DNAJA3: variants seen among roughly 807,000 people sequenced by gnomAD.
DNAJA3 encodes DnaJ heat shock protein family (Hsp40) member A3, also known as dnaJ homolog subfamily A member 3, mitochondrial.
Under a neutral mutation model 54.9 loss-of-function variants are expected in DNAJA3, and 29 were observed. That is an observed-to-expected ratio of 0.53 (90% CI 0.39 to 0.72). DNAJA3 has a LOEUF of 0.72. Ranked by LOEUF, DNAJA3 falls within the 30% of genes least tolerant of loss-of-function variation. The pLI, the probability that DNAJA3 is intolerant of heterozygous loss-of-function variation, is 0.00. For synonymous variants in DNAJA3, 302 were observed against 251.4 expected, an observed-to-expected ratio of 1.20 and a Z score of -1.90; for missense variants, 708 against 639.4, an observed-to-expected ratio of 1.11 and a Z score of -1.16.
intron 8 of DNAJA3, among the ~76,000 whole-genome samples, chr16:4,448,226 C>T (rs958698824): frequency 3.3e-5 from 5 of 151,196 alleles, no homozygotes; most frequent in African/African-American, 1.2e-4. Flanking sequence ...GGGGTTTCAC[C>T]ATGTTGGCCA....
intron 7 of DNAJA3, 50 bp downstream of exon 7, chr16:4,444,778 G>A: frequency 1.3e-6 from 2 of 1,550,426 alleles, no homozygotes; most frequent in Non-Finnish European, 1.8e-6. Context: ...CTCTCTTCGG[G>A]TGGGTGTGGC....
At chr16:4,427,773 A>G (rs1339746722) in intron 1 of DNAJA3, among the ~76,000 whole-genome samples, 1 of 152,174 alleles carries the variant, frequency 6.6e-6, no homozygotes, top group East Asian at 1.9e-4. Flanking sequence ...GGTTCAATCG[A>G]TCCTCCATCC....
At position 4,438,309 on chromosome 16, in the gene DNAJA3, C is replaced by T. The variant is rs1245005539; in HGVS notation, c.429+824C>T. Among the ~76,000 whole-genome samples, 4 of 150,938 alleles carry T rather than the reference C, an allele frequency of 2.7e-5. No homozygotes were observed. The East Asian group carries it at 7.8e-4, about 29-fold the overall frequency. On this transcript the variant is annotated intron_variant, in intron 3 of 11. Coordinates refer to ENST00000262375, the MANE Select transcript of DNAJA3 (RefSeq NM_005147.6). ...TCCAGCCTGGGCGACAGAGCAAGACCCCGTCTCAAAAAAAAAAAAAAGAAC... is the reference window on the plus strand; with the variant it reads ...TCCAGCCTGGGCGACAGAGCAAGACTCCGTCTCAAAAAAAAAAAAAAGAAC...
intron 3 of DNAJA3, among the ~76,000 whole-genome samples, chr16:4,438,255 T>A (rs950803956): frequency 6.6e-6 from 1 of 151,542 alleles, no homozygotes; most frequent in African/African-American, 2.4e-5. Context: ...AGGCGGAGCT[T>A]GCAGTGAGCT....
intron 2 of DNAJA3, among the ~76,000 whole-genome samples, chr16:4,436,894 G>C (rs2056778357): frequency 1.3e-5 from 2 of 152,014 alleles, no homozygotes; most frequent in Non-Finnish European, 2.9e-5. Context: ...GCCATGCTGG[G>C]TGCTAAGGGC....
intron 2 of DNAJA3, 97 bp from the exon 3 acceptor site, chr16:4,437,305 A>C: frequency 1.0e-6 from 1 of 998,080 alleles, no homozygotes; most frequent in East Asian, 2.6e-5. Context: ...CATAATTATG[A>C]CTGGTATTTG....
chr16:4,451,308 A>G (rs954962310), intron 10 of DNAJA3, among the ~76,000 whole-genome samples: 1 of 152,118 alleles, frequency 6.6e-6, no homozygotes, highest in Non-Finnish European at 1.5e-5. Context: ...AGATTAGTGC[A>G]TGGTAATTCG....
At chr16:4,448,184 G>T (rs1371903928) in intron 8 of DNAJA3, among the ~76,000 whole-genome samples, 1 of 151,118 alleles carries the variant, frequency 6.6e-6, no homozygotes, top group Non-Finnish European at 1.5e-5. Context: ...GCGCCACCAT[G>T]CCTGGCTAAT....
intron 9 of DNAJA3, among the ~76,000 whole-genome samples, chr16:4,449,104 C>T (rs747726174): frequency 6.6e-6 from 1 of 152,186 alleles, no homozygotes; most frequent in African/African-American, 2.4e-5. Flanking sequence ...TCAAGCGATT[C>T]TCCTGCCTCA....
chr16:4,431,982 A>G (rs1335023643), intron 1 of DNAJA3: 1 of 151,946 alleles, frequency 6.6e-6, no homozygotes, highest in Non-Finnish European at 1.5e-5. Flanking sequence ...GCATAGCTCT[A>G]AGGCCCTTCC....
chr16:4,454,434 A>G (rs1417491470), intron 10 of DNAJA3, among the ~76,000 whole-genome samples: 1 of 151,450 alleles, frequency 6.6e-6, no homozygotes, highest in Non-Finnish European at 1.5e-5. Context: ...TTGTTTTTTC[A>G]TCTGTGAAAT....
chr16:4,432,718 C>A (rs1867463706), intron 1 of DNAJA3, among the ~76,000 whole-genome samples: 1 of 152,160 alleles, frequency 6.6e-6, no homozygotes, highest in Admixed American at 6.6e-5. Context: ...CGCCTGTAGT[C>A]CCAGTTACTT....
chr16:4,444,778 G>C, intron 7 of DNAJA3, 50 bp downstream of exon 7: 3 of 1,550,426 alleles, frequency 1.9e-6, no homozygotes, highest in Non-Finnish European at 1.8e-6. Context: ...CTCTCTTCGG[G>C]TGGGTGTGGC....
In DNAJA3 at chr16:4,441,089, T is replaced by C. The variant is rs144349800; in HGVS notation, c.430-286T>C. On this transcript the variant is annotated intron_variant, in intron 3 of 11. Coordinates refer to ENST00000262375, the MANE Select transcript of DNAJA3 (RefSeq NM_005147.6). ...GAATCTGTGAAGAATCCAGGGTGCC[T>C]GTGAGGTCAAGCGAGGATCAACACA... 1,170 of 488,220 alleles carry C rather than the reference T, an allele frequency of 2.4e-3. 14 individuals are homozygous for C. Among genetic ancestry groups the C allele is most frequent in the African/African-American group, 0.021 (1,071 of 52,062 alleles). The allele number at this position is 488,220 out of a possible 1,614,324, so 30.2% of individuals were successfully genotyped here.
chr16:4,427,514 G>C (rs907627241), intron 1 of DNAJA3: 4 of 152,126 alleles, frequency 2.6e-5, no homozygotes, highest in Non-Finnish European at 5.9e-5. Context: ...GTCTGTGAGC[G>C]GGGTGTATTA....
intron 1 of DNAJA3, among the ~76,000 whole-genome samples, chr16:4,429,928 T>G (rs1247078159): frequency 6.6e-6 from 1 of 151,708 alleles, no homozygotes; most frequent in African/African-American, 2.4e-5. Flanking sequence ...GCCCAGAAGG[T>G]TGAGGCTGCA....
intron 1 of DNAJA3, among the ~76,000 whole-genome samples, chr16:4,430,316 C>T (rs1198593292): frequency 6.6e-6 from 1 of 151,620 alleles, no homozygotes; most frequent in East Asian, 1.9e-4. Context: ...GCCTGCAATC[C>T]CATTACTTTG....
At chr16:4,436,535 T>C (rs562091040) in intron 2 of DNAJA3, among the ~76,000 whole-genome samples, 1 of 152,346 alleles carries the variant, frequency 6.6e-6, no homozygotes, top group East Asian at 1.9e-4. Flanking sequence ...CTTCCCTTTT[T>C]AAAAATTTTT....
intron 9 of DNAJA3, 191 bp from the exon 10 acceptor site, chr16:4,450,209 A>C: frequency 1.9e-6 from 1 of 532,506 alleles, no homozygotes; most frequent in Non-Finnish European, 3.3e-6. Context: ...AGGGTGTTTT[A>C]GGAGCTTTTC....
Sources: allele counts gnomAD v4.1 joint callset (sites outside exome capture counted in the v4.1 genomes callset), GRCh38; gene constraint gnomAD v4.1.1; transcripts MANE v1.5; gene names NCBI Gene and HGNC (gene_info 2026-07-23, HGNC 2026-07-21).